The following MICU1 variants were observed in gnomAD, a reference collection of about 807,000 sequenced individuals.
MICU1 encodes the protein calcium uptake protein 1, mitochondrial.
Under a neutral mutation model 56.8 loss-of-function variants are expected in MICU1, and 45 were observed. The ratio of observed to expected loss-of-function variants is 0.79; its 90% CI spans 0.62 to 1.02. MICU1 has a LOEUF of 1.02. Among genes scored for constraint, MICU1 ranks in the 50% least tolerant of loss-of-function variants. The pLI is 0.00. For missense variants in MICU1, 504 were observed against 587.1 expected, an observed-to-expected ratio of 0.86 and a Z score of 1.46; for synonymous variants, 186 against 195.1, an observed-to-expected ratio of 0.95 and a Z score of 0.39.
At chr10:72,423,132 T>C (rs1004372433) in intron 9 of MICU1, 102 bp downstream of exon 9, 39 of 1,448,872 alleles carry the variant, frequency 2.7e-5, no homozygotes, top group Non-Finnish European at 3.1e-5. Context: ...GGTGTAATCA[T>C]TGGTTCATGA....
chr10:72,390,618 G>A (rs1399188784), intron 10 of MICU1, among the ~76,000 whole-genome samples: 1 of 152,138 alleles, frequency 6.6e-6, no homozygotes, highest in Non-Finnish European at 1.5e-5. Flanking sequence ...AAATAGCCAA[G>A]GAAGAGACAG....
intron 8 of MICU1, among the ~76,000 whole-genome samples, chr10:72,436,070 G>A (rs550520879): frequency 6.6e-6 from 1 of 152,328 alleles, no homozygotes; most frequent in South Asian, 2.1e-4. Context: ...CTCTGAAAAT[G>A]GACAGAATGC....
At chr10:72,449,254 A>G (rs1330848659) in intron 8 of MICU1, among the ~76,000 whole-genome samples, 1 of 152,028 alleles carries the variant, frequency 6.6e-6, no homozygotes, top group Non-Finnish European at 1.5e-5. Flanking sequence ...AAAAATTAGC[A>G]AGGCATGGTG....
At chr10:72,487,256 C>T (rs1445422151) in intron 6 of MICU1, among the ~76,000 whole-genome samples, 1 of 152,118 alleles carries the variant, frequency 6.6e-6, no homozygotes, top group Non-Finnish European at 1.5e-5. Context: ...CAACAGCCAA[C>T]ACCACAGACA....
chr10:72,607,341 CAAA>C (rs1255480642), intron 1 of MICU1, among the ~76,000 whole-genome samples: 3 of 103,824 alleles, frequency 2.9e-5, no homozygotes, highest in Non-Finnish European at 2.0e-5. Context: ...AACTCTGTTT[CAAA>C]AAAAAAAAAA....
At chr10:72,455,651 T>C (rs1236166343) in intron 8 of MICU1, among the ~76,000 whole-genome samples, 2 of 152,174 alleles carry the variant, frequency 1.3e-5, no homozygotes, top group African/African-American at 4.8e-5. Flanking sequence ...GTGATATTAA[T>C]AGACATTTGT....
intron 10 of MICU1, among the ~76,000 whole-genome samples, chr10:72,404,894 T>C (rs1863576253): frequency 1.3e-5 from 2 of 152,050 alleles, no homozygotes; most frequent in African/African-American, 2.4e-5. Flanking sequence ...ATCCCTCATT[T>C]TATTTATTTA....
chr10:72,464,940 T>C (rs1222815587), intron 8 of MICU1, among the ~76,000 whole-genome samples: 4 of 152,014 alleles, frequency 2.6e-5, no homozygotes, highest in East Asian at 1.9e-4. Flanking sequence ...ATAGAGAAAA[T>C]AGAATTAGTT....
chr10:72,462,991 C>T (rs1865684197), intron 8 of MICU1, among the ~76,000 whole-genome samples: 1 of 151,850 alleles, frequency 6.6e-6, no homozygotes, highest in Non-Finnish European at 1.5e-5. Context: ...AAAGGCATCA[C>T]TAACATATCA....
intron 8 of MICU1, among the ~76,000 whole-genome samples, chr10:72,464,295 CAAAAAA>C (rs58499998): frequency 1.0e-5 from 1 of 100,014 alleles, no homozygotes; most frequent in African/African-American, 4.5e-5. Flanking sequence ...GATTCTGTCT[CAAAAAA>C]AAAAAAAAAA....
chr10:72,395,766 A>G (rs906028647), intron 10 of MICU1, among the ~76,000 whole-genome samples: 6 of 152,214 alleles, frequency 3.9e-5, no homozygotes, highest in Non-Finnish European at 7.3e-5. Context: ...TTAGGTAAAC[A>G]AAGCAGCTGG....
intron 1 of MICU1, among the ~76,000 whole-genome samples, chr10:72,570,083 T>C (rs913131195): frequency 2.0e-5 from 3 of 152,104 alleles, no homozygotes; most frequent in Non-Finnish European, 4.4e-5. Flanking sequence ...GTTGCTGGGA[T>C]TACAGAAGTG....
chr10:72,548,421 T>C (rs959087527), intron 4 of MICU1, among the ~76,000 whole-genome samples: 15 of 152,224 alleles, frequency 9.9e-5, no homozygotes, highest in Admixed American at 2.6e-4. Flanking sequence ...TATTAAGGAA[T>C]AACTGCTGTT....
At chr10:72,534,016 T>C (rs1438589248) in intron 4 of MICU1, among the ~76,000 whole-genome samples, 2 of 152,076 alleles carry the variant, frequency 1.3e-5, no homozygotes, top group African/African-American at 2.4e-5. Flanking sequence ...TCTAAGAAGG[T>C]AAAAATGTGC....
intron 5 of MICU1, among the ~76,000 whole-genome samples, chr10:72,513,662 G>A (rs1465389959): frequency 6.6e-6 from 1 of 151,862 alleles, no homozygotes; most frequent in Non-Finnish European, 1.5e-5. Context: ...TTCTACTAAG[G>A]GTTTTACAGC....
intron 11 of MICU1, among the ~76,000 whole-genome samples, chr10:72,370,779 A>G (rs1243985562): frequency 6.6e-6 from 1 of 152,088 alleles, no homozygotes; most frequent in Non-Finnish European, 1.5e-5. Context: ...GCTTGTAATC[A>G]CAGCACTTTG....
chr10:72,607,046 T>A (rs567995029), intron 1 of MICU1, among the ~76,000 whole-genome samples: 1 of 152,016 alleles, frequency 6.6e-6, no homozygotes, highest in African/African-American at 2.4e-5. Context: ...CCTTTTAAGA[T>A]ATGCAAGTTA....
intron 1 of MICU1, among the ~76,000 whole-genome samples, chr10:72,569,607 T>G (rs1458188655): frequency 2.0e-5 from 3 of 152,120 alleles, no homozygotes; most frequent in Admixed American, 6.5e-5. Context: ...AAGATAAAGT[T>G]GAGACTGGGT....
chr10:72,498,406 T>G (rs1866919190), intron 6 of MICU1, among the ~76,000 whole-genome samples: 1 of 152,024 alleles, frequency 6.6e-6, no homozygotes, highest in African/African-American at 2.4e-5. Flanking sequence ...GCCAACACGG[T>G]GAAACCCCGT....
Sources: allele counts gnomAD v4.1 joint callset (sites outside exome capture counted in the v4.1 genomes callset), GRCh38; gene constraint gnomAD v4.1.1; transcripts MANE v1.5; gene names NCBI Gene and HGNC (gene_info 2026-07-23, HGNC 2026-07-21).